The following LRRTM4 variants were observed in gnomAD, a reference collection of about 807,000 sequenced individuals.
LRRTM4 encodes the protein leucine rich repeat transmembrane neuronal 4.
A neutral mutation model predicts 47.6 loss-of-function variants in LRRTM4; 25 were observed. The observed-to-expected ratio is 0.53, with a 90% CI of 0.38 to 0.73. The LOEUF (loss-of-function observed/expected upper bound fraction) is 0.73. Among genes scored for constraint, LRRTM4 ranks in the 30% least tolerant of loss-of-function variants. The pLI, the probability that LRRTM4 is intolerant of heterozygous loss-of-function variation, is 0.00. For synonymous variants in LRRTM4, 311 were observed against 269.5 expected (o/e 1.15, Z -1.51); for missense variants, 638 against 713.4 (o/e 0.89, Z 1.20).
At chr2:77,070,920 A>G (rs1680134109) in intron 3 of LRRTM4, among the ~76,000 whole-genome samples, 1 of 152,166 alleles carries the variant, frequency 6.6e-6, no homozygotes. Flanking sequence ...GCCTGGCCAA[A>G]AGTATTTTTT....
At chr2:77,176,805 A>G (rs1425306935) in intron 3 of LRRTM4, among the ~76,000 whole-genome samples, 2 of 152,210 alleles carry the variant, frequency 1.3e-5, no homozygotes, top group East Asian at 1.9e-4. Flanking sequence ...CCAGAAACCA[A>G]TCGCTAAGAC....
At chr2:76,973,777 A>G (rs1573388763) in intron 3 of LRRTM4, among the ~76,000 whole-genome samples, 1 of 151,988 alleles carries the variant, frequency 6.6e-6, no homozygotes, top group African/African-American at 2.4e-5. Context: ...ATAGAATAGA[A>G]TAACCAAAGT....
At chr2:77,398,031 G>A (rs1250102412) in intron 3 of LRRTM4, among the ~76,000 whole-genome samples, 1 of 151,888 alleles carries the variant, frequency 6.6e-6, no homozygotes, top group East Asian at 1.9e-4. Context: ...CTACCCGTTA[G>A]GCTTTAAGAA....
intron 3 of LRRTM4, among the ~76,000 whole-genome samples, chr2:77,313,145 C>T (rs1348812269): frequency 6.8e-6 from 1 of 146,448 alleles, no homozygotes; most frequent in East Asian, 1.9e-4. Flanking sequence ...CCTATGTTTT[C>T]CTGGGACCTG....
chr2:77,520,608 A>G (rs1257171756), intron 2 of LRRTM4, among the ~76,000 whole-genome samples: 1 of 152,142 alleles, frequency 6.6e-6, no homozygotes, highest in Non-Finnish European at 1.5e-5. Context: ...GACTATCAAA[A>G]TTCGTATTAT....
chr2:76,981,851 A>C (rs1035333610), intron 3 of LRRTM4, among the ~76,000 whole-genome samples: 3 of 151,992 alleles, frequency 2.0e-5, no homozygotes, highest in Non-Finnish European at 4.4e-5. Flanking sequence ...GAGCAATGGA[A>C]CATACAATAT....
chr2:77,018,772 T>TAAGTCCTTTGATC (rs11271113), intron 3 of LRRTM4, among the ~76,000 whole-genome samples: 1 of 151,702 alleles, frequency 6.6e-6, no homozygotes, highest in Non-Finnish European at 1.5e-5. Context: ...TTAAGAAGTT[T>TAAGTCCTTTGATC]AAGTTCTTTG....
At chr2:77,076,016 A>C (rs1680327105) in intron 3 of LRRTM4, among the ~76,000 whole-genome samples, 1 of 151,770 alleles carries the variant, frequency 6.6e-6, no homozygotes, top group African/African-American at 2.4e-5. Context: ...CTTTCCAAAA[A>C]CTATTTCCAT....
intron 3 of LRRTM4, among the ~76,000 whole-genome samples, chr2:77,421,786 C>T (rs773186324): frequency 4.6e-5 from 7 of 151,930 alleles, no homozygotes; most frequent in Non-Finnish European, 1.0e-4. Flanking sequence ...AAAGAATTAT[C>T]TAGTCCAAAA....
intron 3 of LRRTM4, among the ~76,000 whole-genome samples, chr2:77,481,574 GA>G (rs1210965967): frequency 8.0e-5 from 12 of 149,548 alleles, no homozygotes; most frequent in Admixed American, 2.0e-4. Flanking sequence ...AAAAGCCAGA[GA>G]AAAAAAAAAG....
intron 3 of LRRTM4, among the ~76,000 whole-genome samples, chr2:77,068,923 C>G (rs1285808014): frequency 6.6e-6 from 1 of 150,952 alleles, no homozygotes; most frequent in Non-Finnish European, 1.5e-5. Flanking sequence ...CATTCTTAAA[C>G]CACAAACAAT....
At chr2:77,437,654 T>C (rs371184889) in intron 3 of LRRTM4, among the ~76,000 whole-genome samples, 13 of 152,242 alleles carry the variant, frequency 8.5e-5, no homozygotes, top group African/African-American at 2.6e-4. Flanking sequence ...AAAAGTACAG[T>C]ACAAAACTTA....
intron 3 of LRRTM4, 86 bp from the exon 4 acceptor site, chr2:76,749,002 T>G (rs1333789890): frequency 9.5e-7 from 1 of 1,055,264 alleles, no homozygotes; most frequent in South Asian, 1.5e-5. Flanking sequence ...ATTTTTGTTC[T>G]CTTTCATGCT....
chr2:76,782,486 T>A (rs1674456056), intron 3 of LRRTM4, among the ~76,000 whole-genome samples: 1 of 152,228 alleles, frequency 6.6e-6, no homozygotes, highest in Non-Finnish European at 1.5e-5. Context: ...ACACTTGAGC[T>A]CACTGCAATA....
At chr2:77,238,968 C>T (rs1675186836) in intron 3 of LRRTM4, among the ~76,000 whole-genome samples, 1 of 151,332 alleles carries the variant, frequency 6.6e-6, no homozygotes, top group Admixed American at 6.6e-5. Context: ...CTTAATGTAC[C>T]TCATAAGTAT....
At chr2:76,859,624 A>T (rs1672255209) in intron 3 of LRRTM4, among the ~76,000 whole-genome samples, 1 of 152,152 alleles carries the variant, frequency 6.6e-6, no homozygotes, top group Non-Finnish European at 1.5e-5. Context: ...GATAATAAAA[A>T]GTTACATAAA....
chr2:77,274,158 CAT>C (rs1433205855), intron 3 of LRRTM4, among the ~76,000 whole-genome samples: 1 of 152,082 alleles, frequency 6.6e-6, no homozygotes, highest in African/African-American at 2.4e-5. Context: ...CACACACACA[CAT>C]ACACACACAA....
intron 3 of LRRTM4, among the ~76,000 whole-genome samples, chr2:77,049,122 T>A (rs1816926): frequency 0.1 from 6,477 of 62,356 alleles, 922 homozygotes; most frequent in East Asian, 0.29. Context: ...ATTTCATTTT[T>A]TATATATATA....
chr2:76,888,414 A>T (rs1056272420), intron 3 of LRRTM4, among the ~76,000 whole-genome samples: 3 of 151,552 alleles, frequency 2.0e-5, no homozygotes, highest in African/African-American at 7.2e-5. Context: ...ACATCTGAAA[A>T]GTCATATTCA....
Sources: gnomAD v4.1 joint callset for allele counts (sites outside exome capture counted in the v4.1 genomes callset) on GRCh38, gnomAD v4.1.1 for gene constraint, MANE v1.5 for transcripts, NCBI Gene and HGNC (gene_info 2026-07-23, HGNC 2026-07-21) for gene names.